UST: variants seen among roughly 807,000 people sequenced by gnomAD.
The protein encoded by UST is chondroitin sulfate 2-O-sulfotransferase.
A neutral mutation model predicts 45.6 loss-of-function variants in UST; 21 were observed. That is an observed-to-expected ratio of 0.46 (90% confidence interval 0.33 to 0.66). The LOEUF (loss-of-function observed/expected upper bound fraction) is 0.66. Ranked by LOEUF, UST falls within the 30% of genes least tolerant of loss-of-function variation. The pLI, the probability that UST is intolerant of heterozygous loss-of-function variation, is 0.02. For missense variants in UST, 463 were observed against 512.4 expected (o/e 0.90, Z 0.93); for synonymous variants, 215 against 200.6 (o/e 1.07, Z -0.61).
At chr6:148,859,372 C>A (rs1055085871) in intron 1 of UST, among the ~76,000 whole-genome samples, 1 of 152,122 alleles carries the variant, frequency 6.6e-6, no homozygotes, top group Non-Finnish European at 1.5e-5. Context: ...TGTTTGAGTT[C>A]TTTGTAGATT....
In UST at chr6:148,901,703, G is replaced by A. The variant is rs181409695; in HGVS notation, c.291+14674G>A. ...CTCCTGAGTAGCTGGGATTGCAGGC[G>A]CCTGCCACCACGCCCAGCTAATTTT... On this transcript the variant is annotated intron_variant, in intron 2 of 7. Coordinates refer to ENST00000367463, the MANE Select transcript of UST (RefSeq NM_005715.3). 5.9e-5 allele frequency among the ~76,000 whole-genome samples: 9 copies of A among 151,972 alleles called. 1 individual carries two copies. Among genetic ancestry groups the A allele is most frequent in the African/African-American group, 9.6e-5 (4 of 41,488 alleles).
chr6:148,838,223 G>A (rs1405857633), intron 1 of UST, among the ~76,000 whole-genome samples: 2 of 152,176 alleles, frequency 1.3e-5, no homozygotes, highest in East Asian at 3.9e-4. Flanking sequence ...TGAGGGCGGG[G>A]TGAGAGGGAG....
chr6:148,831,260 T>A (rs1777683008), intron 1 of UST, among the ~76,000 whole-genome samples: 1 of 152,176 alleles, frequency 6.6e-6, no homozygotes, highest in African/African-American at 2.4e-5. Context: ...TACAATTCTC[T>A]CATTTTGCAG....
intron 1 of UST, among the ~76,000 whole-genome samples, chr6:148,793,841 A>G (rs1776897826): frequency 6.6e-6 from 1 of 152,182 alleles, no homozygotes; most frequent in Admixed American, 6.5e-5. Flanking sequence ...TCACTGCTTT[A>G]CAGAGTTCCA....
chr6:149,014,972 G>A (rs1775875048), intron 5 of UST, among the ~76,000 whole-genome samples: 1 of 152,156 alleles, frequency 6.6e-6, no homozygotes, highest in African/African-American at 2.4e-5. Flanking sequence ...GGGAGGAGAG[G>A]TGGAAGGAAG....
chr6:148,827,836 T>C (rs1282548046), intron 1 of UST, among the ~76,000 whole-genome samples: 1 of 152,116 alleles, frequency 6.6e-6, no homozygotes, highest in East Asian at 1.9e-4. Context: ...ATATGCGGTT[T>C]ACTAAAACAG....
intron 1 of UST, among the ~76,000 whole-genome samples, chr6:148,752,835 A>G (rs1776015807): frequency 6.6e-6 from 1 of 152,184 alleles, no homozygotes; most frequent in African/African-American, 2.4e-5. Flanking sequence ...ATGAAAACGC[A>G]TCTTATTTGA....
intron 1 of UST, among the ~76,000 whole-genome samples, chr6:148,785,593 G>T (rs970076884): frequency 5.3e-5 from 8 of 152,156 alleles, no homozygotes; most frequent in African/African-American, 1.9e-4. Flanking sequence ...CTGATTATTT[G>T]AACATTCTGG....
chr6:148,766,390 G>T (rs530116685), intron 1 of UST, among the ~76,000 whole-genome samples: 4 of 150,128 alleles, frequency 2.7e-5, no homozygotes, highest in South Asian at 4.2e-4. Context: ...TCTCACCCAC[G>T]CACCCACTTG....
At chr6:149,041,023 G>C (rs1776305828) in intron 7 of UST, among the ~76,000 whole-genome samples, 1 of 152,168 alleles carries the variant, frequency 6.6e-6, no homozygotes, top group African/African-American at 2.4e-5. Flanking sequence ...CAGAAACATT[G>C]CCCTTTTAAA....
chr6:148,798,723 C>T (rs147284518), intron 1 of UST, among the ~76,000 whole-genome samples: 177 of 152,266 alleles, frequency 1.2e-3, no homozygotes, highest in African/African-American at 4.0e-3. Context: ...GGGCCAAACA[C>T]TGCCGAAGGT....
At chr6:148,977,751 C>CAAAAAAAAA (rs60475773) in intron 5 of UST, among the ~76,000 whole-genome samples, 1 of 88,198 alleles carries the variant, frequency 1.1e-5, no homozygotes, top group African/African-American at 4.3e-5. Context: ...GAATCTGTCT[C>CAAAAAAAAA]AAAAAAAAAA....
chr6:148,909,836 A>G (rs1242445972), intron 2 of UST, among the ~76,000 whole-genome samples: 1 of 152,226 alleles, frequency 6.6e-6, no homozygotes, highest in East Asian at 1.9e-4. Flanking sequence ...ATGATGGCAG[A>G]TATGGTGTGT....
intron 1 of UST, among the ~76,000 whole-genome samples, chr6:148,859,984 T>C (rs1778278366): frequency 6.6e-6 from 1 of 152,236 alleles, no homozygotes; most frequent in South Asian, 2.1e-4. Flanking sequence ...CAGGCTCTTT[T>C]TTGGTTCCAC....
At chr6:148,968,335 T>C (rs1199917992) in intron 5 of UST, among the ~76,000 whole-genome samples, 1 of 152,272 alleles carries the variant, frequency 6.6e-6, no homozygotes, top group Non-Finnish European at 1.5e-5. Flanking sequence ...CTTCTTCCTT[T>C]GCATTTCCTG....
At chr6:148,991,810 T>C (rs188307684) in intron 5 of UST, among the ~76,000 whole-genome samples, 2 of 152,196 alleles carry the variant, frequency 1.3e-5, no homozygotes, top group Admixed American at 6.5e-5. Context: ...GTTTATTATA[T>C]ACATTTAAGC....
chr6:148,878,708 G>GGTCATGTATGAGTTCGGA (rs148585321), intron 1 of UST, among the ~76,000 whole-genome samples: 1 of 130,950 alleles, frequency 7.6e-6, no homozygotes, highest in African/African-American at 3.1e-5. Flanking sequence ...TGAGTGCGGA[G>GGTCATGTATGAGTTCGGA]GTCGTGTATG....
intron 6 of UST, among the ~76,000 whole-genome samples, chr6:149,020,926 C>A (rs1196073582): frequency 6.6e-6 from 1 of 152,224 alleles, no homozygotes; most frequent in Non-Finnish European, 1.5e-5. Context: ...CGGTAAGTTT[C>A]ATATTTCAAA....
chr6:149,050,084 A>T (rs534663806), intron 7 of UST, among the ~76,000 whole-genome samples: 2 of 152,290 alleles, frequency 1.3e-5, no homozygotes, highest in East Asian at 3.9e-4. Context: ...TATCTACCAT[A>T]TGAACTACGG....
Sources: gnomAD v4.1 joint callset for allele counts (sites outside exome capture counted in the v4.1 genomes callset) on GRCh38, gnomAD v4.1.1 for gene constraint, MANE v1.5 for transcripts, NCBI Gene and HGNC (gene_info 2026-07-23, HGNC 2026-07-21) for gene names.